TSPEAR: variants seen among roughly 807,000 people sequenced by gnomAD.
TSPEAR encodes the protein thrombospondin-type laminin G domain and EAR repeat-containing protein.
TSPEAR carries 69 observed loss-of-function variants against 71.6 expected under a neutral mutation model. That is an observed-to-expected ratio of 0.96 (90% CI 0.79 to 1.18). The LOEUF is 1.18. Ranked by LOEUF, TSPEAR falls within the 50% of genes most tolerant of loss-of-function variation. The pLI is 0.00. For missense variants in TSPEAR, 971 were observed against 894.9 expected, an observed-to-expected ratio of 1.09 and a Z score of -1.09; for synonymous variants, 402 against 387.2, an observed-to-expected ratio of 1.04 and a Z score of -0.45.
chr21:44,557,743 G>T (rs1047745122), intron 2 of TSPEAR: 19 of 424,650 alleles, frequency 4.5e-5, no homozygotes, highest in Middle Eastern at 6.3e-4. Flanking sequence ...GCGGCACGTT[G>T]AAGTTCTTCC....
intron 1 of TSPEAR, chr21:44,677,795 A>T (rs1455839681): frequency 7.7e-7 from 1 of 1,294,466 alleles, no homozygotes; most frequent in Admixed American, 1.7e-5. Flanking sequence ...TTGGCAATGG[A>T]ACATTATAAG....
chr21:44,552,422 A>C (rs2053457305), intron 2 of TSPEAR, among the ~76,000 whole-genome samples: 1 of 152,154 alleles, frequency 6.6e-6, no homozygotes, highest in Admixed American at 6.5e-5. Flanking sequence ...GTGTCCTTCC[A>C]GCCTCTTTCA....
intron 2 of TSPEAR, among the ~76,000 whole-genome samples, chr21:44,548,339 A>G (rs114589059): frequency 0.015 from 2,321 of 152,286 alleles, 59 homozygotes; most frequent in African/African-American, 0.053. Context: ...AGGTTGTCCT[A>G]TTGGGTTGTG....
In TSPEAR at chr21:44,593,720, G is replaced by A. The variant is rs782449798; in HGVS notation, c.83-25715C>T. On this transcript the variant is annotated intron_variant, in intron 1 of 11. Transcript: ENST00000323084. This position sits in a 1 kb window ranked among gnomAD's most constrained non-coding sequence, Gnocchi z 5.9. The stretch of plus-strand genomic sequence containing the variant: ...CAAATTACAAACAGGACCTCAGGCC[G>A]CGCCAGGCAAGGGACAAGCCGCGTG... 3.3e-5 allele frequency among the ~76,000 whole-genome samples: 5 copies of A among 152,298 alleles called. No homozygotes were observed. Among genetic ancestry groups the A allele is most frequent in the African/African-American group, 4.8e-5 (2 of 41,574 alleles).
rs373654518 is a variant in TSPEAR at position 44,681,964 on chromosome 21, CAG to C, written c.82+29467_82+29468del. ...GGCCTGCAGCTCACGGGCACGCACA[CAG>C]AGGACTGGCATCTCACGGGCACACA... is the stretch of plus-strand genomic sequence containing the variant. On this transcript the variant is annotated intron_variant, in intron 1 of 11. Transcript: ENST00000323084. 2.8e-4 allele frequency: 449 copies of C among 1,613,854 alleles called. No homozygotes were observed. The African/African-American group carries it at 5.4e-3, about 19-fold the overall frequency.
In TSPEAR at chr21:44,528,464, A is replaced by T. The variant is rs781886312; in HGVS notation, c.910T>A (p.Ser304Thr). The T allele has an allele frequency of 3.7e-6, 6 of 1,613,888 alleles. No homozygotes were observed. In the South Asian group the frequency reaches 6.6e-5, roughly 18 times the overall value. The change falls in exon 6 of 12, where the codon TCC becomes ACC. Residue 304 changes from serine to threonine, a missense_variant. By Grantham distance (58) the Ser-to-Thr change is moderately conservative (BLOSUM62 1). Coordinates refer to ENST00000323084, the MANE Select transcript of TSPEAR (RefSeq NM_144991.3). Reference protein sequence around the residue: ...LYLCVGNEWVSVLAAKERLDY... With the variant: ...LYLCVGNEWVTVLAAKERLDY... ...AGGGCTGCCTCACCTGCTAACACGG[A>T]GACCCACTCGTTGCCAACACACAGA...
At chr21:44,706,313 CCACACGCA>C (rs1987912132) in intron 1 of TSPEAR, among the ~76,000 whole-genome samples, 1 of 152,156 alleles carries the variant, frequency 6.6e-6, no homozygotes, top group African/African-American at 2.4e-5. Flanking sequence ...ATGCACACAC[CCACACGCA>C]CACACCCACG....
At chr21:44,697,028 T>C in intron 1 of TSPEAR, 1 of 862,976 alleles carries the variant, frequency 1.2e-6, no homozygotes, top group Non-Finnish European at 1.6e-6. Context: ...ACCCAGACGC[T>C]CACTCACTCC....
intron 1 of TSPEAR, among the ~76,000 whole-genome samples, chr21:44,674,025 C>T (rs183899532): frequency 7.8e-4 from 118 of 151,620 alleles, no homozygotes; most frequent in Middle Eastern, 3.5e-3. Flanking sequence ...GTGGTGGTGC[C>T]TATAGTCCCA....
Position 44,499,832 on chromosome 21 carries a change from G to C in TSPEAR, c.1961C>G (p.Ser654Cys), listed in dbSNP as rs782551483. Residue 654 changes from serine to cysteine, a missense_variant, in exon 12 of 12, where the codon TCC (serine) becomes TGC (cysteine). Ser to Cys is a moderately radical substitution (Grantham distance 112, BLOSUM62 -1). Transcript: ENST00000323084. ...CCTGGAGAGGGGCTCCTTGGCGCTGGAGTAGATGAGGTAGGCACCAGCCGT... is the reference window on the plus strand; with the variant it reads ...CCTGGAGAGGGGCTCCTTGGCGCTGCAGTAGATGAGGTAGGCACCAGCCGT... Reference protein sequence around the residue: ...STTAGAYLIYSSAKEPLSRVL... With the variant: ...STTAGAYLIYCSAKEPLSRVL... The C allele has an allele frequency of 6.3e-6, 10 of 1,591,992 alleles. No individual in the cohort carries two copies. The highest frequency in any genetic ancestry group is 6.8e-6 in the Non-Finnish European group (8 of 1,170,564).
At chr21:44,620,708 G>A (rs587731062) in intron 1 of TSPEAR, among the ~76,000 whole-genome samples, 20 of 152,256 alleles carry the variant, frequency 1.3e-4, no homozygotes, top group African/African-American at 4.6e-4. Context: ...GCTAAATTTG[G>A]ATTCACTTTG....
In TSPEAR at chr21:44,550,766, C is replaced by G. The variant is rs139318454; in HGVS notation, c.304-16843G>C. 1,033 of 1,614,188 alleles carry G rather than the reference C, an allele frequency of 6.4e-4. 6 individuals are homozygous for G. In the Middle Eastern group the frequency reaches 0.021, roughly 33 times the overall value. On this transcript the variant is annotated intron_variant, in intron 2 of 11. Coordinates refer to ENST00000323084, the MANE Select transcript of TSPEAR (RefSeq NM_144991.3). ...AGCACACGGGGCGGCAGAGGAGGGA[C>G]ACAGAGGAGGAGGGTCTGCAGCAGG...
At chr21:44,502,138 T>C (rs1276149521) in intron 11 of TSPEAR, among the ~76,000 whole-genome samples, 1 of 152,114 alleles carries the variant, frequency 6.6e-6, no homozygotes, top group Non-Finnish European at 1.5e-5. Context: ...ACAGTAAACA[T>C]AGTGGACCGC....
In TSPEAR at chr21:44,509,757, A is replaced by AGCCCT. The variant is rs587662843; in HGVS notation, c.1567-376_1567-372dup. 596 of 268,958 alleles carry AGCCCT rather than the reference A, an allele frequency of 2.2e-3. 4 individuals carry two copies. Among genetic ancestry groups the AGCCCT allele is most frequent in the African/African-American group, 0.012 (549 of 44,644 alleles). 16.7% of individuals were successfully genotyped at this position (268,958 alleles called of 1,614,324 possible). Reference sequence around the variant, plus strand: ...CTGAATGTTAGTGCCAGCTGTGCCCAGCCCTGCCCCTAGCGACCATCTGTG... The same window carrying AGCCCT: ...CTGAATGTTAGTGCCAGCTGTGCCCAGCCCTGCCCTGCCCCTAGCGACCATCTGTG... On this transcript the variant is annotated intron_variant, in intron 9 of 11. Transcript: ENST00000323084.
chr21:44,596,615 G>T (rs1980385268), intron 1 of TSPEAR, among the ~76,000 whole-genome samples: 1 of 152,238 alleles, frequency 6.6e-6, no homozygotes, highest in Admixed American at 6.5e-5. Context: ...AGCAACCTCA[G>T]CCCAGCAGCA....
intron 2 of TSPEAR, chr21:44,540,027 A>G (rs2053186914): frequency 6.2e-7 from 1 of 1,612,962 alleles, no homozygotes; most frequent in Non-Finnish European, 8.5e-7. Context: ...AGGGTCAGGC[A>G]GGGGGCCGGG....
Position 44,711,458 on chromosome 21 carries a change from G to A in TSPEAR, c.57C>T (p.Gly19=), listed in dbSNP as rs547861049. The A allele has an allele frequency of 3.7e-4, 588 of 1,610,570 alleles. 5 individuals carry two copies. The South Asian group carries it at 6.3e-3, about 17-fold the overall frequency. The part of the protein sequence containing the change: ...FVLPLAAPGH[G]TQGWEPCTDL... ...CTGTGCAGGGCTCCCAACCCTGCGT[G>A]CCGTGGCCGGGGGCCGCCAGGGGCA... Residue 19 remains glycine, a synonymous_variant, in exon 1 of 12, where the codon GGC becomes GGT. Transcript: ENST00000323084. This position sits in a 1 kb window ranked among gnomAD's most constrained non-coding sequence, Gnocchi z 4.5.
intron 8 of TSPEAR, among the ~76,000 whole-genome samples, chr21:44,522,702 G>C (rs1555914445): frequency 6.6e-6 from 1 of 152,252 alleles, no homozygotes; most frequent in Non-Finnish European, 1.5e-5. Context: ...AGGTGTCCCG[G>C]TACCTTCCAG....
At chr21:44,585,342 C>T (rs1193445031) in intron 1 of TSPEAR, among the ~76,000 whole-genome samples, 1 of 152,204 alleles carries the variant, frequency 6.6e-6, no homozygotes, top group Non-Finnish European at 1.5e-5. Context: ...GCACTATTCT[C>T]TCCTTGTACT....
Sources: gnomAD v4.1 joint callset for allele counts (sites outside exome capture counted in the v4.1 genomes callset) on GRCh38, gnomAD v4.1.1 for gene constraint, Gnocchi (gnomAD v3.1) non-coding constraint, MANE v1.5 for transcripts, NCBI Gene and HGNC (gene_info 2026-07-23, HGNC 2026-07-21) for gene names.